RIN3: variants seen among roughly 807,000 people sequenced by gnomAD.
The protein encoded by RIN3 is Ras and Rab interactor 3.
A neutral mutation model predicts 76.3 loss-of-function variants in RIN3; 54 were observed. The ratio of observed to expected loss-of-function variants is 0.71; its 90% CI spans 0.57 to 0.89. RIN3 has a LOEUF of 0.89. Ranked by LOEUF, RIN3 falls within the 40% of genes least tolerant of loss-of-function variation. The pLI, the probability that RIN3 is intolerant of heterozygous loss-of-function variation, is 0.00. For missense variants in RIN3, 1,256 were observed against 1,322.1 expected (o/e 0.95, Z 0.78); for synonymous variants, 576 against 564.0 (o/e 1.02, Z -0.30).
chr14:92,550,680 C>T (rs1156233141), intron 1 of RIN3, among the ~76,000 whole-genome samples: 2 of 152,302 alleles, frequency 1.3e-5, no homozygotes, highest in Non-Finnish European at 2.9e-5. Flanking sequence ...TAGCCTTAAT[C>T]CCAAAATGTT....
In RIN3 at chr14:92,648,111, C is replaced by T. The variant is rs1305208684; in HGVS notation, c.533-3471C>T. ...TTCCCTTTTTTTTTTTTTTTTGGAG[C>T]ATAAAGCCCTGCAATGCCACTGTGG... On this transcript the variant is annotated intron_variant, in intron 5 of 9. Coordinates refer to ENST00000216487, the MANE Select transcript of RIN3 (RefSeq NM_024832.5). This position sits in a 1 kb window ranked among gnomAD's most constrained non-coding sequence, Gnocchi z 4.1. Among the ~76,000 whole-genome samples the T allele has an allele frequency of 7.4e-6, 1 of 135,578 alleles. No homozygotes were observed. The highest frequency in any genetic ancestry group is 1.6e-5 in the Non-Finnish European group (1 of 64,322). The allele number at this position is 135,578 out of a possible 152,430, so 88.9% of individuals were successfully genotyped here. A position where few individuals can be genotyped will look rare whatever the true frequency, so the allele number is the denominator to read the frequency against.
chr14:92,553,047 A>C (rs901061029), intron 1 of RIN3, among the ~76,000 whole-genome samples: 4 of 129,094 alleles, frequency 3.1e-5, no homozygotes, highest in African/African-American at 1.2e-4. Context: ...AAAAAAAAAA[A>C]ATGGGGATGA....
intron 4 of RIN3, among the ~76,000 whole-genome samples, chr14:92,635,455 C>T (rs530407722): frequency 6.6e-6 from 1 of 152,170 alleles, no homozygotes; most frequent in Non-Finnish European, 1.5e-5. Context: ...TAAATAGGAG[C>T]AAGCTGCGGA....
chr14:92,523,053 G>A (rs1267087255), intron 1 of RIN3, among the ~76,000 whole-genome samples: 1 of 152,190 alleles, frequency 6.6e-6, no homozygotes, highest in Non-Finnish European at 1.5e-5. Context: ...CATCATCCCA[G>A]CTACAGACTG....
intron 3 of RIN3, among the ~76,000 whole-genome samples, chr14:92,586,777 A>T (rs904603989): frequency 2.0e-5 from 3 of 152,228 alleles, no homozygotes; most frequent in South Asian, 2.1e-4. Flanking sequence ...TGCATACATA[A>T]CCAGAAATAC....
chr14:92,520,919 C>T lies in RIN3; in HGVS notation c.44+6943C>T, dbSNP rs2139992554. ...GGGATGTTGCAGTTCAAAGCAAGGA[C>T]TTATCTCTCTACCGATGGCATCTGG... On this transcript the variant is annotated intron_variant, in intron 1 of 9. Coordinates refer to ENST00000216487, the MANE Select transcript of RIN3 (RefSeq NM_024832.5). Among the ~76,000 whole-genome samples, 4 of 150,004 alleles carry T rather than the reference C, an allele frequency of 2.7e-5. 1 individual carries two copies. The Middle Eastern group carries it at 0.01, about 383-fold the overall frequency.
chr14:92,664,822 C>T (rs1319726494), intron 7 of RIN3, among the ~76,000 whole-genome samples: 4 of 152,166 alleles, frequency 2.6e-5, no homozygotes, highest in Non-Finnish European at 4.4e-5. Context: ...TACATAGCCA[C>T]GGTGGAGTTG....
intron 1 of RIN3, among the ~76,000 whole-genome samples, chr14:92,528,273 G>T (rs544588970): frequency 6.6e-6 from 1 of 152,232 alleles, no homozygotes; most frequent in South Asian, 2.1e-4. Context: ...GATGGCCATC[G>T]TGGCTGAGTG....
At chr14:92,613,317 G>A (rs1398395679) in intron 3 of RIN3, among the ~76,000 whole-genome samples, 1 of 152,126 alleles carries the variant, frequency 6.6e-6, no homozygotes, top group Non-Finnish European at 1.5e-5. Flanking sequence ...GGCATCCTGT[G>A]AATTCCAACA....
Position 92,688,105 on chromosome 14 carries a change from C to G in RIN3, c.2811C>G (p.Asp937Glu). Residue 937 changes from aspartate to glutamate, a missense_variant, in exon 10 of 10, where the codon GAC (aspartate) becomes GAG (glutamate). Around this residue, in one of 3 missense-constraint regions of RIN3, gnomAD observed 218 missense variants for 174.5 expected, o/e 1.25. Transcript: ENST00000216487. ...GGCGCTGCTTCCAGCTGGCGGACGA[C>G]GCGCTGCCGCACTGCATCAAGGGCT... is the stretch of plus-strand genomic sequence containing the variant. ...VDGRCFQLAD[D>E]ALPHCIKGYL... The G allele has an allele frequency of 1.9e-6, 3 of 1,607,746 alleles. No homozygotes were observed. The highest frequency in any genetic ancestry group is 1.7e-6 in the Non-Finnish European group (2 of 1,177,900).
At chr14:92,638,845 A>G (rs1283256166) in intron 4 of RIN3, among the ~76,000 whole-genome samples, 1 of 151,964 alleles carries the variant, frequency 6.6e-6, no homozygotes, top group Non-Finnish European at 1.5e-5. Context: ...GCCCAAGGCC[A>G]CTCCCGAGAC....
chr14:92,571,040 C>G (rs1484058114), intron 2 of RIN3, among the ~76,000 whole-genome samples: 3 of 152,264 alleles, frequency 2.0e-5, no homozygotes, highest in Non-Finnish European at 1.5e-5. Context: ...GTAAAATACT[C>G]TTGTGGCAAT....
intron 1 of RIN3, among the ~76,000 whole-genome samples, chr14:92,536,452 G>T (rs1295230641): frequency 2.0e-5 from 3 of 152,114 alleles, no homozygotes; most frequent in African/African-American, 7.2e-5. Flanking sequence ...TCAAAAAACT[G>T]CCAGGGTTCA....
intron 3 of RIN3, among the ~76,000 whole-genome samples, chr14:92,583,541 G>T (rs1411719322): frequency 6.6e-6 from 1 of 151,628 alleles, no homozygotes; most frequent in Non-Finnish European, 1.5e-5. Context: ...ATCAAACATG[G>T]ATCAAAAATA....
intron 2 of RIN3, among the ~76,000 whole-genome samples, chr14:92,567,624 A>ATTTTTTTT (rs34729914): frequency 7.5e-6 from 1 of 133,636 alleles, no homozygotes; most frequent in African/African-American, 2.8e-5. Flanking sequence ...CTTCTGCTGC[A>ATTTTTTTT]TTTTTTTTTT....
chr14:92,559,233 A>G (rs1183776143), intron 2 of RIN3, among the ~76,000 whole-genome samples: 1 of 152,156 alleles, frequency 6.6e-6, no homozygotes. Flanking sequence ...GAAGAGATGC[A>G]GAGATGGCTA....
intron 8 of RIN3, among the ~76,000 whole-genome samples, chr14:92,679,667 G>C (rs576564195): frequency 3.9e-4 from 59 of 152,308 alleles, no homozygotes; most frequent in Non-Finnish European, 8.1e-4. Context: ...AGAGGTACCT[G>C]ATCACCTCAA....
intron 4 of RIN3, among the ~76,000 whole-genome samples, chr14:92,625,996 G>T (rs1465583273): frequency 6.6e-6 from 1 of 152,112 alleles, no homozygotes; most frequent in Non-Finnish European, 1.5e-5. Context: ...CCTTGCCCAA[G>T]AGGGTCTTCT....
At chr14:92,669,267 G>T (rs926720015) in intron 7 of RIN3, among the ~76,000 whole-genome samples, 11 of 152,298 alleles carry the variant, frequency 7.2e-5, no homozygotes, top group Non-Finnish European at 1.5e-4. Flanking sequence ...AAACAGAAAT[G>T]CAAAATATAT....
Sources: gnomAD v4.1 joint callset for allele counts (sites outside exome capture counted in the v4.1 genomes callset) on GRCh38, gnomAD v4.1.1 for gene constraint, gnomAD v4.1.1 regional missense constraint, Gnocchi (gnomAD v3.1) non-coding constraint, MANE v1.5 for transcripts, NCBI Gene and HGNC (gene_info 2026-07-23, HGNC 2026-07-21) for gene names.